The following LRRC63 variants were observed in gnomAD, a reference collection of about 807,000 sequenced individuals.
LRRC63 encodes leucine-rich repeat-containing protein 63.
In LRRC63, 40 loss-of-function variants were observed where a neutral mutation model predicts 49.5. That is an observed-to-expected ratio of 0.81 (90% CI 0.63 to 1.05). The LOEUF is 1.05. Ranked by LOEUF, LRRC63 falls within the 50% of genes least tolerant of loss-of-function variation. The pLI, the probability that LRRC63 is intolerant of heterozygous loss-of-function variation, is 0.00. For synonymous variants in LRRC63, 191 were observed against 221.1 expected (o/e 0.86, Z 1.21); for missense variants, 636 against 663.1 (o/e 0.96, Z 0.45).
Position 46,212,989 on chromosome 13 carries a change from C to A in LRRC63, c.-33-13C>A. 7.8e-7 allele frequency: 1 copy of A among 1,274,922 alleles called. No homozygotes were observed. The highest frequency in any genetic ancestry group is 1.4e-5 in the South Asian group (1 of 73,838). 79.0% of individuals were successfully genotyped at this position (1,274,922 alleles called of 1,614,324 possible). ...ACATATTCAAAACCTTTTCAATTCT[C>A]ATTTAAACCAAGGATTATGAAAAAC... On this transcript the variant is annotated splice_polypyrimidine_tract_variant and intron_variant, in intron 1 of 9. Transcript: ENST00000595396.
At chr13:46,216,234 T>C (rs1178724435) in intron 2 of LRRC63, among the ~76,000 whole-genome samples, 1 of 152,258 alleles carries the variant, frequency 6.6e-6, no homozygotes, top group Non-Finnish European at 1.5e-5. Flanking sequence ...CGATATTGAT[T>C]CTTCCTATCC....
intron 7 of LRRC63, 45 bp downstream of exon 7, chr13:46,250,536 A>T: frequency 3.5e-6 from 5 of 1,415,118 alleles, no homozygotes; most frequent in Non-Finnish European, 3.8e-6. Context: ...AATAATTCAT[A>T]ATTTCGAAAA....
intron 2 of LRRC63, among the ~76,000 whole-genome samples, 164 bp downstream of exon 2, chr13:46,213,283 T>C (rs751330935): frequency 6.6e-6 from 1 of 152,266 alleles, no homozygotes; most frequent in Non-Finnish European, 1.5e-5. Context: ...CATTTACTGA[T>C]ACTTATTGGT....
chr13:46,228,331 T>G, intron 3 of LRRC63, 142 bp downstream of exon 3: 1 of 684,480 alleles, frequency 1.5e-6, no homozygotes, highest in South Asian at 2.0e-5. Flanking sequence ...CATGTAATAC[T>G]TGAGCCATAG....
chr13:46,216,379 G>A (rs559642697), intron 2 of LRRC63, among the ~76,000 whole-genome samples: 88 of 152,238 alleles, frequency 5.8e-4, no homozygotes, highest in African/African-American at 2.0e-3. Context: ...CTTTGCAGCA[G>A]TTGTGAATGG....
chr13:46,275,355 T>C (rs1484043833), intron 9 of LRRC63, among the ~76,000 whole-genome samples: 1 of 152,202 alleles, frequency 6.6e-6, no homozygotes, highest in Non-Finnish European at 1.5e-5. Context: ...GATTGCTGGA[T>C]AGTATGATAG....
At chr13:46,213,060 G>C in exon 2 of LRRC63, 1 of 1,549,400 alleles carries the variant, frequency 6.5e-7, no homozygotes, top group Non-Finnish European at 8.7e-7. Flanking sequence ...CTGCTTCTTC[G>C]AAGACCCTTA....
In LRRC63 at chr13:46,250,345, T is replaced by A. The variant is rs751615219; in HGVS notation, c.1090-10T>A. 3.0e-5 allele frequency: 45 copies of A among 1,478,138 alleles called. No individual in the cohort carries two copies. The highest frequency in any genetic ancestry group is 2.5e-4 in the Admixed American group (11 of 44,730). The allele number at this position is 1,478,138 out of a possible 1,614,324, so 91.6% of individuals were successfully genotyped here. On this transcript the variant is annotated splice_polypyrimidine_tract_variant and intron_variant, in intron 6 of 9. Coordinates refer to ENST00000595396, the Ensembl canonical transcript of LRRC63. The stretch of plus-strand genomic sequence containing the variant: ...TCCGCTCATGTTTGTTTCTCTTTTC[T>A]GTTCCCCAGATATTATGTCTTAAAA...
intron 5 of LRRC63, among the ~76,000 whole-genome samples, chr13:46,245,396 A>G (rs2047186252): frequency 1.3e-5 from 2 of 152,198 alleles, no homozygotes; most frequent in South Asian, 4.1e-4. Context: ...CAACAACTGC[A>G]GAATAAACAT....
intron 4 of LRRC63, among the ~76,000 whole-genome samples, chr13:46,233,241 G>C (rs916718234): frequency 3.9e-5 from 6 of 152,048 alleles, no homozygotes; most frequent in African/African-American, 2.4e-5. Context: ...TGTGGGCTTA[G>C]AGCAGGGAGC....
chr13:46,213,110 A>T, exon 2 of LRRC63: 1 of 1,543,836 alleles, frequency 6.5e-7, no homozygotes, highest in Non-Finnish European at 8.8e-7. Context: ...TGAGAAAAAA[A>T]CCCATACAGG....
rs116308884 is a variant in LRRC63, at chr13:46,257,637, G to A, written c.1227-4272G>A. 1.5e-3 allele frequency among the ~76,000 whole-genome samples: 227 copies of A among 152,316 alleles called. 1 individual carries two copies. The highest frequency in any genetic ancestry group is 5.2e-3 in the African/African-American group (218 of 41,574). ...GGATAGCTAAGGTAGGCCTTATTGA[G>A]AAAGGGACACTGGAACAAAGTGGGG... On this transcript the variant is annotated intron_variant, in intron 7 of 9. Coordinates refer to ENST00000595396, the Ensembl canonical transcript of LRRC63.
intron 4 of LRRC63, among the ~76,000 whole-genome samples, chr13:46,229,912 C>T (rs1325075604): frequency 6.6e-6 from 1 of 152,120 alleles, no homozygotes; most frequent in Non-Finnish European, 1.5e-5. Flanking sequence ...TCATGGTATA[C>T]AGCAAAGTGG....
intron 2 of LRRC63, among the ~76,000 whole-genome samples, chr13:46,213,501 T>C (rs2046155970): frequency 6.6e-6 from 1 of 152,224 alleles, no homozygotes; most frequent in Non-Finnish European, 1.5e-5. Flanking sequence ...CTGTTTTCCC[T>C]GTCTGTTTAG....
intron 9 of LRRC63, among the ~76,000 whole-genome samples, chr13:46,271,919 TAAC>T (rs1454815514): frequency 2.6e-5 from 4 of 152,136 alleles, no homozygotes; most frequent in Non-Finnish European, 5.9e-5. Context: ...CAGTAAGAGA[TAAC>T]TAATAATAAC....
chr13:46,235,298 A>C (rs1266386086), intron 5 of LRRC63, among the ~76,000 whole-genome samples: 1 of 152,190 alleles, frequency 6.6e-6, no homozygotes, highest in Non-Finnish European at 1.5e-5. Context: ...ACACAAGTTA[A>C]AGGAGCAGAG....
intron 9 of LRRC63, among the ~76,000 whole-genome samples, chr13:46,268,465 A>G (rs1380766772): frequency 6.6e-6 from 1 of 152,196 alleles, no homozygotes; most frequent in Non-Finnish European, 1.5e-5. Context: ...GAGCTCTATA[A>G]AAGCTAAGTA....
intron 9 of LRRC63, among the ~76,000 whole-genome samples, chr13:46,269,818 G>A (rs1454222519): frequency 3.4e-5 from 5 of 146,288 alleles, no homozygotes; most frequent in South Asian, 2.1e-4. Context: ...TATAGTAGTC[G>A]CTATAGATAT....
chr13:46,253,062 A>T (rs964625237), intron 7 of LRRC63, among the ~76,000 whole-genome samples: 7 of 152,024 alleles, frequency 4.6e-5, no homozygotes, highest in African/African-American at 1.7e-4. Flanking sequence ...TTGGAAGGCC[A>T]TTGCAGTAGT....
Sources: gnomAD v4.1 joint callset for allele counts (sites outside exome capture counted in the v4.1 genomes callset) on GRCh38, gnomAD v4.1.1 for gene constraint, MANE v1.5 for transcripts, NCBI Gene and HGNC (gene_info 2026-07-23, HGNC 2026-07-21) for gene names.